Variants in PIGN observed in about 807,000 individuals in gnomAD.
PIGN encodes the protein phosphatidylinositol glycan anchor biosynthesis class N.
Under a neutral mutation model 125.4 loss-of-function variants are expected in PIGN, and 117 were observed. That is an observed-to-expected ratio of 0.93 (90% CI 0.80 to 1.09). The LOEUF (loss-of-function observed/expected upper bound fraction) is 1.09. Among genes scored for constraint, PIGN ranks in the 50% least tolerant of loss-of-function variants. PIGN has a pLI of 0.00. For missense variants in PIGN, 1,075 were observed against 1,094.9 expected (o/e 0.98, Z 0.26); for synonymous variants, 392 against 377.8 (o/e 1.04, Z -0.44).
rs1252924426 is a variant in PIGN at position 62,101,071 on chromosome 18, T to C, written c.2077+4A>G. On this transcript the variant is annotated splice_donor_region_variant and intron_variant, in intron 22 of 30. Coordinates refer to ENST00000640252, the MANE Select transcript of PIGN (RefSeq NM_176787.5). ...TACCTCACCTGGTTTGAGTGGCCTC[T>C]TACCTAATGTTGCCCAGCTAATAAT... The C allele has an allele frequency of 2.6e-6, 4 of 1,547,430 alleles. No homozygotes were observed. The highest frequency in any genetic ancestry group is 3.6e-6 in the Non-Finnish European group (4 of 1,119,048).
At chr18:62,105,440 C>A in intron 20 of PIGN, 103 bp downstream of exon 20, 1 of 695,678 alleles carries the variant, frequency 1.4e-6, no homozygotes, top group Non-Finnish European at 2.5e-6. Context: ...CGTTAGTTCA[C>A]ATGATTTTAT....
Position 62,157,784 on chromosome 18 carries a change from G to C in PIGN, c.246C>G (p.Ser82Arg). 4 of 1,611,726 alleles carry C rather than the reference G, an allele frequency of 2.5e-6. No homozygotes were observed. The highest frequency in any genetic ancestry group is 3.4e-6 in the Non-Finnish European group (4 of 1,178,586). Reference sequence around the variant, plus strand: ...GCACACGTGTATGAGATATGCCCCAGCTGCCTTCATGCATTATGATATTCC... The same window carrying C: ...GCACACGTGTATGAGATATGCCCCACCTGCCTTCATGCATTATGATATTCC... ...FIRNIIMHEGSWGISHTRVPT... is the reference protein window; with the variant it reads ...FIRNIIMHEGRWGISHTRVPT... Residue 82 changes from serine (S) to arginine (R), a missense_variant, in exon 5 of 31, where the codon AGC becomes AGG. Around this residue, in one of 3 missense-constraint regions of PIGN, gnomAD observed 152 missense variants for 162.9 expected, o/e 0.93. Coordinates refer to ENST00000640252, the MANE Select transcript of PIGN (RefSeq NM_176787.5).
intron 30 of PIGN, among the ~76,000 whole-genome samples, chr18:62,050,102 G>A (rs1174474354): frequency 1.3e-5 from 2 of 151,874 alleles, no homozygotes; most frequent in African/African-American, 4.8e-5. Context: ...GGTTACTGTA[G>A]CCTTGTAGTA....
At position 62,171,548 on chromosome 18, in the gene PIGN, T is replaced by G. The variant is rs551654479; in HGVS notation, c.-235-7892A>C. Among the ~76,000 whole-genome samples, 3 of 152,320 alleles carry G rather than the reference T, an allele frequency of 2.0e-5. No individual in the cohort carries two copies. The South Asian group carries it at 6.2e-4, about 32-fold the overall frequency. ...AGAAATCCTTGCCTTGTTTCCAATA[T>G]TAGGATGAATGCTGTCAGTTTTCCA... is the stretch of plus-strand genomic sequence containing the variant. On this transcript the variant is annotated intron_variant, in intron 1 of 30. Coordinates refer to ENST00000640252, the MANE Select transcript of PIGN (RefSeq NM_176787.5).
At chr18:62,076,394 C>T (rs910336006) in intron 28 of PIGN, among the ~76,000 whole-genome samples, 37 of 152,160 alleles carry the variant, frequency 2.4e-4, no homozygotes, top group African/African-American at 8.7e-4. Context: ...ATTCTAGATA[C>T]TAGTCTTTTG....
At chr18:62,064,917 T>C (rs1343680669) in intron 30 of PIGN, among the ~76,000 whole-genome samples, 1 of 47,126 alleles carries the variant, frequency 2.1e-5, no homozygotes, top group East Asian at 8.1e-4. Context: ...AACTTGACAC[T>C]TCTAAAAAAA....
At position 62,125,111 on chromosome 18, in the gene PIGN, CAT is replaced by C. The variant is rs201702458; in HGVS notation, c.1173-10474_1173-10473del. Among the ~76,000 whole-genome samples the C allele has an allele frequency of 8.7e-4, 125 of 144,496 alleles. 3 individuals carry two copies. The highest frequency in any genetic ancestry group is 2.7e-3 in the East Asian group (11 of 4,056). The allele number at this position is 144,496 out of a possible 152,430, so 94.8% of individuals were successfully genotyped here. A position where few individuals can be genotyped will look rare whatever the true frequency, so the allele number is the denominator to read the frequency against. On this transcript the variant is annotated intron_variant, in intron 14 of 30. Coordinates refer to ENST00000640252, the MANE Select transcript of PIGN (RefSeq NM_176787.5). ...ATACATGTATATATACACGTTTGTA[CAT>C]ATGTGTATATAAATATACACGTTTG...
intron 23 of PIGN, among the ~76,000 whole-genome samples, chr18:62,030,363 T>C (rs565610): frequency 0.92 from 139,798 of 152,244 alleles, 64,299 homozygotes; most frequent in African/African-American, 0.98. Flanking sequence ...GTCATGGATG[T>C]CACAGAATTA....
intron 1 of PIGN, among the ~76,000 whole-genome samples, chr18:62,168,333 A>G (rs2037228872): frequency 6.6e-6 from 1 of 152,222 alleles, no homozygotes; most frequent in Non-Finnish European, 1.5e-5. Flanking sequence ...AATTTCAAAC[A>G]AAGTTACGAG....
At chr18:62,065,400 T>C (rs1380498165) in intron 30 of PIGN, among the ~76,000 whole-genome samples, 3 of 152,190 alleles carry the variant, frequency 2.0e-5, no homozygotes, top group Admixed American at 6.5e-5. Flanking sequence ...GAATGGATTA[T>C]TCAGTTGAGA....
At chr18:62,162,512 C>A (rs1219014763) in intron 2 of PIGN, 183 bp from the exon 3 acceptor site, 1 of 151,978 alleles carries the variant, frequency 6.6e-6, no homozygotes, top group Non-Finnish European at 1.5e-5. Context: ...GGCAAAATAA[C>A]CTTGCAAAAA....
chr18:62,054,891 A>G (rs1267477450), intron 30 of PIGN, among the ~76,000 whole-genome samples: 1 of 152,248 alleles, frequency 6.6e-6, no homozygotes, highest in East Asian at 1.9e-4. Context: ...TGATCAAAAG[A>G]CATGAACAGA....
At chr18:62,172,378 G>T (rs2037372308) in intron 1 of PIGN, among the ~76,000 whole-genome samples, 1 of 151,978 alleles carries the variant, frequency 6.6e-6, no homozygotes, top group South Asian at 2.1e-4. Flanking sequence ...CTTTCAGTTA[G>T]ATCTTAAATT....
chr18:62,148,487 T>C, intron 7 of PIGN, 149 bp from the exon 8 acceptor site: 1 of 475,474 alleles, frequency 2.1e-6, no homozygotes, highest in Non-Finnish European at 3.7e-6. Context: ...CAACACAACG[T>C]CTTTGCTATC....
intron 30 of PIGN, among the ~76,000 whole-genome samples, chr18:62,067,382 C>T (rs1269412135): frequency 3.3e-5 from 5 of 152,130 alleles, no homozygotes; most frequent in Non-Finnish European, 7.4e-5. Context: ...GTCCAGTTAG[C>T]CGATTATTGA....
Position 62,082,696 on chromosome 18 carries a change from CAACTG to C in PIGN, c.2548_2552del (p.Gln850AspfsTer36). 1 of 1,549,930 alleles carries C rather than the reference CAACTG, an allele frequency of 6.5e-7. No homozygotes were observed. Among genetic ancestry groups the C allele is most frequent in the Non-Finnish European group, 8.8e-7 (1 of 1,141,358 alleles). On this transcript the variant is annotated frameshift_variant, in exon 28 of 31. Transcript: ENST00000640252. LOFTEE classifies it high-confidence loss of function. ...ACCTTTTTGACGATAACTGAGTAGT[CAACTG>C]AACTGCTTCAAAAGCACACATAACA...
chr18:62,118,493 G>A (rs886792005), intron 14 of PIGN: 4 of 152,132 alleles, frequency 2.6e-5, no homozygotes, highest in Non-Finnish European at 4.4e-5. Context: ...CTGTAACTCT[G>A]AGGGAATCTA....
chr18:62,029,167 G>A (rs559154153), intron 23 of PIGN, among the ~76,000 whole-genome samples: 1 of 152,246 alleles, frequency 6.6e-6, no homozygotes, highest in South Asian at 2.1e-4. Context: ...GGAGGAAGAT[G>A]CTTTGGATGA....
chr18:62,053,104 C>A lies in PIGN; in HGVS notation c.2673-7125G>T, dbSNP rs574495541. On this transcript the variant is annotated intron_variant, in intron 30 of 30. Transcript: ENST00000640252. ...ATATTTGCTAGCTGATGTGAAAATTCTAATACTGTATGACATGGTTTCAAA... is the reference window on the plus strand; with the variant it reads ...ATATTTGCTAGCTGATGTGAAAATTATAATACTGTATGACATGGTTTCAAA... 3.0e-5 allele frequency: 8 copies of A among 270,524 alleles called. No homozygotes were observed. In the South Asian group the frequency reaches 1.0e-3, roughly 35 times the overall value. 16.8% of individuals were successfully genotyped at this position (270,524 alleles called of 1,614,324 possible). A position where few individuals can be genotyped will look rare whatever the true frequency, so the allele number is the denominator to read the frequency against.
Sources: allele counts gnomAD v4.1 joint callset (sites outside exome capture counted in the v4.1 genomes callset), GRCh38; gene constraint gnomAD v4.1.1; regional missense constraint gnomAD v4.1.1; transcripts MANE v1.5; gene names NCBI Gene and HGNC (gene_info 2026-07-23, HGNC 2026-07-21).